The following PLCB1 variants were observed in gnomAD, a reference collection of about 807,000 sequenced individuals.
PLCB1 encodes phospholipase C beta 1, also known as 1-phosphatidylinositol 4,5-bisphosphate phosphodiesterase beta-1.
A neutral mutation model predicts 161.8 loss-of-function variants in PLCB1; 46 were observed. That is an observed-to-expected ratio of 0.28 (90% CI 0.22 to 0.36). PLCB1 has a LOEUF of 0.36. Ranked by LOEUF, PLCB1 falls within the 10% of genes least tolerant of loss-of-function variation. The pLI is 1.00. For missense variants in PLCB1, 1,016 were observed against 1,472.5 expected (o/e 0.69, Z 5.07); for synonymous variants, 517 against 503.7 (o/e 1.03, Z -0.35).
At chr20:8,583,371 G>C (rs190002115) in intron 3 of PLCB1, among the ~76,000 whole-genome samples, 43 of 151,998 alleles carry the variant, frequency 2.8e-4, no homozygotes, top group African/African-American at 1.0e-3. Context: ...CTATTTTATC[G>C]CAATTAAAAA....
chr20:8,758,172 C>G (rs1279209749), intron 24 of PLCB1, among the ~76,000 whole-genome samples: 1 of 149,170 alleles, frequency 6.7e-6, no homozygotes, highest in East Asian at 2.0e-4. Flanking sequence ...CATACTAGAT[C>G]AGGGTGCCAG....
chr20:8,811,398 G>A (rs890339890), intron 31 of PLCB1, among the ~76,000 whole-genome samples: 7 of 152,108 alleles, frequency 4.6e-5, no homozygotes, highest in Non-Finnish European at 7.4e-5. Context: ...TTCATGGTTC[G>A]GTCTAGTTTA....
chr20:8,461,776 T>C (rs1033134408), intron 3 of PLCB1, among the ~76,000 whole-genome samples: 2 of 152,198 alleles, frequency 1.3e-5, no homozygotes, highest in Non-Finnish European at 2.9e-5. Flanking sequence ...CTTTGCATTT[T>C]ATATTATTTT....
chr20:8,621,923 A>T (rs188052856), intron 3 of PLCB1, among the ~76,000 whole-genome samples: 1 of 152,318 alleles, frequency 6.6e-6, no homozygotes, highest in East Asian at 1.9e-4. Context: ...AAGATACAGA[A>T]CAGCTGGTGT....
intron 2 of PLCB1, among the ~76,000 whole-genome samples, chr20:8,166,787 C>T (rs763772218): frequency 6.6e-6 from 1 of 152,110 alleles, no homozygotes; most frequent in African/African-American, 2.4e-5. Context: ...CCACAATAGC[C>T]GCCTTCTGTT....
intron 10 of PLCB1, among the ~76,000 whole-genome samples, chr20:8,686,511 G>A (rs1043113792): frequency 2.0e-5 from 3 of 152,002 alleles, no homozygotes; most frequent in Non-Finnish European, 4.4e-5. Context: ...TATTTTATTT[G>A]TCATATAATA....
At chr20:8,809,387 T>C (rs1423860002) in intron 31 of PLCB1, among the ~76,000 whole-genome samples, 1 of 152,166 alleles carries the variant, frequency 6.6e-6, no homozygotes, top group Non-Finnish European at 1.5e-5. Context: ...TTTGCATCTT[T>C]ACATCTACTA....
intron 3 of PLCB1, among the ~76,000 whole-genome samples, chr20:8,577,443 A>T (rs1986709740): frequency 6.6e-6 from 1 of 151,086 alleles, no homozygotes; most frequent in Non-Finnish European, 1.5e-5. Context: ...GTCTCAAAAA[A>T]AAAAAAAAAA....
chr20:8,350,627 A>G (rs1986152326), intron 2 of PLCB1, among the ~76,000 whole-genome samples: 1 of 152,212 alleles, frequency 6.6e-6, no homozygotes, highest in Non-Finnish European at 1.5e-5. Context: ...TTGCTGAGTC[A>G]AATGGTTTTT....
At chr20:8,546,277 G>A (rs1985541574) in intron 3 of PLCB1, among the ~76,000 whole-genome samples, 1 of 134,420 alleles carries the variant, frequency 7.4e-6, no homozygotes, top group Non-Finnish European at 1.5e-5. Context: ...TCGCGCCACT[G>A]ACTCCAGCCT....
chr20:8,199,227 C>T (rs2123122695), intron 2 of PLCB1, among the ~76,000 whole-genome samples: 1 of 152,154 alleles, frequency 6.6e-6, no homozygotes, highest in Admixed American at 6.6e-5. Context: ...TTTAAAAGGT[C>T]TCACATTGAT....
intron 3 of PLCB1, among the ~76,000 whole-genome samples, chr20:8,444,145 T>A (rs1188788832): frequency 6.6e-6 from 1 of 152,090 alleles, no homozygotes; most frequent in Non-Finnish European, 1.5e-5. Flanking sequence ...ACCCATTAAC[T>A]CGTCATTTAC....
rs138152209 is a variant in PLCB1, at chr20:8,286,682, T to C, written c.178-84700T>C. ...TTAATTTTTAACAATTCAACAGTTA[T>C]TGTCTACTATATGTTAGAGCTCTTG... On this transcript the variant is annotated intron_variant, in intron 2 of 31. Coordinates refer to ENST00000338037, the MANE Select transcript of PLCB1 (RefSeq NM_015192.4). Among the ~76,000 whole-genome samples the C allele has an allele frequency of 2.4e-3, 369 of 152,312 alleles. 1 individual carries two copies. Among genetic ancestry groups the C allele is most frequent in the Non-Finnish European group, 4.1e-3 (278 of 68,018 alleles).
chr20:8,226,314 T>A (rs1215548542), intron 2 of PLCB1, among the ~76,000 whole-genome samples: 1 of 152,158 alleles, frequency 6.6e-6, no homozygotes, highest in African/African-American at 2.4e-5. Context: ...AGCTGTAGTG[T>A]GTTGGACCCT....
At chr20:8,368,431 G>T (rs1029854609) in intron 2 of PLCB1, among the ~76,000 whole-genome samples, 2 of 149,878 alleles carry the variant, frequency 1.3e-5, no homozygotes, top group Non-Finnish European at 3.0e-5. Flanking sequence ...GAGGGCTGAG[G>T]CACGAGAATC....
intron 3 of PLCB1, among the ~76,000 whole-genome samples, chr20:8,392,446 A>G (rs771206363): frequency 1.2e-4 from 19 of 152,168 alleles, no homozygotes; most frequent in Non-Finnish European, 1.9e-4. Context: ...AGTAGCACAC[A>G]TAGACTAAGA....
At chr20:8,645,314 T>TA (rs11087815) in intron 4 of PLCB1, among the ~76,000 whole-genome samples, 38,304 of 133,932 alleles carry the variant, frequency 0.29, 5,140 homozygotes, top group African/African-American at 0.43. Flanking sequence ...TAAAAAAAAA[T>TA]AAAAAAAATA....
intron 3 of PLCB1, among the ~76,000 whole-genome samples, chr20:8,419,228 T>C (rs1979431988): frequency 6.6e-6 from 1 of 152,324 alleles, no homozygotes; most frequent in South Asian, 2.1e-4. Context: ...CTCTGAACTT[T>C]GTAGAGTGCT....
chr20:8,311,860 A>G (rs1327367064), intron 2 of PLCB1, among the ~76,000 whole-genome samples: 1 of 152,168 alleles, frequency 6.6e-6, no homozygotes, highest in Non-Finnish European at 1.5e-5. Context: ...ACAAAAACAC[A>G]TATACAGTTG....
Sources: gnomAD v4.1 joint callset for allele counts (sites outside exome capture counted in the v4.1 genomes callset) on GRCh38, gnomAD v4.1.1 for gene constraint, MANE v1.5 for transcripts, NCBI Gene and HGNC (gene_info 2026-07-23, HGNC 2026-07-21) for gene names.